The following ARHGEF9 variants were observed in gnomAD, a reference collection of about 807,000 sequenced individuals.
ARHGEF9 encodes the protein rho guanine nucleotide exchange factor 9.
In ARHGEF9, 2 loss-of-function variants were observed where a neutral mutation model predicts 41.3. That is an observed-to-expected ratio of 0.05 (90% CI 0.02 to 0.15). ARHGEF9 has a LOEUF of 0.15. Ranked by LOEUF, ARHGEF9 falls within the 10% of genes least tolerant of loss-of-function variation. ARHGEF9 has a pLI of 1.00. For synonymous variants in ARHGEF9, 160 were observed against 154.4 expected (o/e 1.04, Z -0.27); for missense variants, 225 against 424.7 (o/e 0.53, Z 4.13).
chrX:63,651,651 A>C (rs1162362163), intron 8 of ARHGEF9, among the ~76,000 whole-genome samples: 3 of 111,172 alleles, frequency 2.7e-5, no homozygotes, highest in Non-Finnish European at 5.7e-5. Flanking sequence ...ATGGCAAGAG[A>C]TCTTAAGCAA....
At chrX:63,763,208 T>A (rs2056062184) in intron 1 of ARHGEF9, among the ~76,000 whole-genome samples, 1 of 110,537 alleles carries the variant, frequency 9.0e-6, no homozygotes, top group South Asian at 3.8e-4. Flanking sequence ...TGTGTGATCT[T>A]TTAGGTAAAG....
chrX:63,730,567 A>G (rs1556419518), intron 1 of ARHGEF9, among the ~76,000 whole-genome samples: 1 of 112,129 alleles, frequency 8.9e-6, no homozygotes. Flanking sequence ...AGTATTGATT[A>G]GGTAGGTCTG....
At chrX:63,771,259 C>T (rs1185500912) in intron 1 of ARHGEF9, among the ~76,000 whole-genome samples, 1 of 111,469 alleles carries the variant, frequency 9.0e-6, no homozygotes, top group African/African-American at 3.3e-5. Context: ...ATTAATTGGG[C>T]CCTTGCTATA....
At chrX:63,780,755 A>G (rs144082999) in intron 1 of ARHGEF9, among the ~76,000 whole-genome samples, 3 of 111,758 alleles carry the variant, frequency 2.7e-5, no homozygotes, top group Non-Finnish European at 3.8e-5. Context: ...TTTATTCTAC[A>G]TGGAAGTTGA....
At chrX:63,769,748 G>T (rs2056173226) in intron 1 of ARHGEF9, among the ~76,000 whole-genome samples, 1 of 112,557 alleles carries the variant, frequency 8.9e-6, no homozygotes, top group Admixed American at 9.3e-5. Context: ...AGGGTGCAAG[G>T]CCCGAGCCTT....
intron 7 of ARHGEF9, among the ~76,000 whole-genome samples, chrX:63,660,201 C>A (rs1423878123): frequency 1.8e-5 from 2 of 111,706 alleles, no homozygotes; most frequent in Admixed American, 9.5e-5. Context: ...CCATAAAATG[C>A]CACAAAGCCA....
At chrX:63,641,558 G>C (rs1280765448) in intron 9 of ARHGEF9, 4 of 111,220 alleles carry the variant, frequency 3.6e-5, no homozygotes, top group African/African-American at 1.3e-4. Flanking sequence ...AGTTAGCAGG[G>C]CTATCTTCTG....
intron 4 of ARHGEF9, among the ~76,000 whole-genome samples, chrX:63,683,785 A>G (rs1189386912): frequency 9.9e-5 from 11 of 111,537 alleles, no homozygotes; most frequent in African/African-American, 3.6e-4. Flanking sequence ...GAAAAACTGG[A>G]TATCTATATG....
intron 4 of ARHGEF9, among the ~76,000 whole-genome samples, chrX:63,695,461 T>C (rs1340242279): frequency 8.9e-6 from 1 of 111,835 alleles, no homozygotes; most frequent in Non-Finnish European, 1.9e-5. Context: ...CAGCCTTGTA[T>C]GTGCTCCCTT....
intron 8 of ARHGEF9, among the ~76,000 whole-genome samples, chrX:63,653,310 G>A (rs1378617684): frequency 1.8e-5 from 2 of 111,594 alleles, no homozygotes; most frequent in African/African-American, 6.5e-5. Flanking sequence ...ACTGCCTGTA[G>A]ATGACAGCTT....
intron 1 of ARHGEF9, among the ~76,000 whole-genome samples, chrX:63,725,500 A>T (rs1406822961): frequency 8.9e-6 from 1 of 112,240 alleles, no homozygotes; most frequent in Non-Finnish European, 1.9e-5. Flanking sequence ...TGTGCATGGA[A>T]TGCACGCTAA....
chrX:63,651,218 C>T (rs2048522436), intron 8 of ARHGEF9, among the ~76,000 whole-genome samples: 1 of 110,879 alleles, frequency 9.0e-6, no homozygotes, highest in Non-Finnish European at 1.9e-5. Flanking sequence ...TGTTTTTAAA[C>T]CTAGAATAAA....
At chrX:63,784,487 C>G (rs1421188564) in intron 1 of ARHGEF9, among the ~76,000 whole-genome samples, 1 of 112,498 alleles carries the variant, frequency 8.9e-6, no homozygotes, top group Non-Finnish European at 1.9e-5. Flanking sequence ...ATGTGGGTTT[C>G]TGCAGCTGTC....
intron 3 of ARHGEF9, among the ~76,000 whole-genome samples, chrX:63,702,780 T>C (rs1461197782): frequency 8.9e-6 from 1 of 112,019 alleles, no homozygotes; most frequent in African/African-American, 3.2e-5. Flanking sequence ...AATGCAGAAG[T>C]AGCCTGGCTC....
At chrX:63,669,879 T>C (rs1244735399) in intron 6 of ARHGEF9, among the ~76,000 whole-genome samples, 4 of 112,208 alleles carry the variant, frequency 3.6e-5, no homozygotes, top group Non-Finnish European at 3.8e-5. Flanking sequence ...GGAAACTTTG[T>C]CATGTTCACT....
intron 9 of ARHGEF9, chrX:63,638,625 G>T (rs187395059): frequency 6.5e-6 from 2 of 308,851 alleles, no homozygotes; most frequent in South Asian, 1.7e-4. Context: ...GTCCTGCAAA[G>T]AACCCAACAA....
chrX:63,784,755 A>G (rs1238700563), intron 1 of ARHGEF9, among the ~76,000 whole-genome samples: 1 of 110,270 alleles, frequency 9.1e-6, no homozygotes, highest in African/African-American at 3.3e-5. Flanking sequence ...CCAGCTTGTC[A>G]GCCTCCTGCG....
At chrX:63,669,539 T>C (rs574217992) in intron 6 of ARHGEF9, among the ~76,000 whole-genome samples, 3 of 111,628 alleles carry the variant, frequency 2.7e-5, no homozygotes, top group South Asian at 7.7e-4. Flanking sequence ...CCTCCCTAAC[T>C]TCATTTGCTC....
intron 1 of ARHGEF9, among the ~76,000 whole-genome samples, chrX:63,783,023 C>G (rs1468395922): frequency 4.5e-5 from 5 of 112,308 alleles, no homozygotes; most frequent in Non-Finnish European, 7.5e-5. Context: ...TCTCAGTCCT[C>G]TAAGAATATT....
Sources: gnomAD v4.1 joint callset for allele counts (sites outside exome capture counted in the v4.1 genomes callset) on GRCh38, gnomAD v4.1.1 for gene constraint, MANE v1.5 for transcripts, NCBI Gene and HGNC (gene_info 2026-07-23, HGNC 2026-07-21) for gene names.